The following KLF12 variants were observed in gnomAD, a reference collection of about 807,000 sequenced individuals.
The protein encoded by KLF12 is Krueppel-like factor 12.
Under a neutral mutation model 37.8 loss-of-function variants are expected in KLF12, and 9 were observed. The observed-to-expected ratio is 0.24, with a 90% CI of 0.14 to 0.42. The LOEUF (loss-of-function observed/expected upper bound fraction) is 0.42, where lower values mean the gene tolerates loss of function less well. Among genes scored for constraint, KLF12 ranks in the 10% least tolerant of loss-of-function variants. The pLI, the probability that KLF12 is intolerant of heterozygous loss-of-function variation, is 1.00. For synonymous variants in KLF12, 208 were observed against 202.1 expected (o/e 1.03, Z -0.25); for missense variants, 411 against 516.0 (o/e 0.80, Z 1.97).
intron 3 of KLF12, among the ~76,000 whole-genome samples, chr13:73,902,818 G>A (rs1309025853): frequency 2.0e-5 from 3 of 152,168 alleles, no homozygotes; most frequent in African/African-American, 4.8e-5. Context: ...TTAAAGTTCC[G>A]TGTTACTTTC....
chr13:73,733,135 A>C (rs1877195436), intron 6 of KLF12, among the ~76,000 whole-genome samples: 1 of 152,142 alleles, frequency 6.6e-6, no homozygotes, highest in Non-Finnish European at 1.5e-5. Context: ...TTTTATTTGT[A>C]ATTGTAATGA....
intron 5 of KLF12, among the ~76,000 whole-genome samples, chr13:73,780,426 C>T (rs763761548): frequency 6.6e-6 from 1 of 151,844 alleles, no homozygotes; most frequent in African/African-American, 2.4e-5. Flanking sequence ...TCTGTTATAT[C>T]ATTCTTATGC....
chr13:74,033,994 G>A (rs914702013), intron 1 of KLF12, among the ~76,000 whole-genome samples: 1 of 149,182 alleles, frequency 6.7e-6, no homozygotes, highest in Non-Finnish European at 1.5e-5. Flanking sequence ...ATATTTCTTG[G>A]ACTACCAGTG....
At chr13:74,253,804 C>A in the KLF12 span, among the ~76,000 whole-genome samples, 1 of 152,140 alleles carries the variant, frequency 6.6e-6, no homozygotes, top group East Asian at 1.9e-4. Flanking sequence ...GACACATTTG[C>A]AAAAGCCCAG....
At chr13:74,259,540 G>T in the KLF12 span, 1 of 152,136 alleles carries the variant, frequency 6.6e-6, no homozygotes, top group African/African-American at 2.4e-5. Context: ...AGAAAACATA[G>T]TTAATCCTTT....
At chr13:73,884,292 T>C (rs1261093270) in intron 3 of KLF12, among the ~76,000 whole-genome samples, 2 of 152,204 alleles carry the variant, frequency 1.3e-5, no homozygotes, top group Admixed American at 1.3e-4. Flanking sequence ...TGGATCTGAA[T>C]CTTATTCATC....
At chr13:73,759,760 G>T (rs528455923) in intron 6 of KLF12, among the ~76,000 whole-genome samples, 4 of 152,206 alleles carry the variant, frequency 2.6e-5, no homozygotes, top group African/African-American at 9.6e-5. Flanking sequence ...GTTGAACTGC[G>T]CTTGATGATG....
chr13:73,724,394 T>C (rs1263174712), intron 6 of KLF12, among the ~76,000 whole-genome samples: 1 of 152,154 alleles, frequency 6.6e-6, no homozygotes, highest in Non-Finnish European at 1.5e-5. Context: ...GATGTAGTAC[T>C]TAAGTTAACA....
chr13:73,749,288 G>C (rs945827816), intron 6 of KLF12, among the ~76,000 whole-genome samples: 2 of 152,168 alleles, frequency 1.3e-5, no homozygotes, highest in Non-Finnish European at 2.9e-5. Context: ...ATATGAAAAT[G>C]TCGTATGCAT....
chr13:73,920,466 T>A (rs1442660474), intron 3 of KLF12, among the ~76,000 whole-genome samples: 5 of 152,152 alleles, frequency 3.3e-5, no homozygotes, highest in Admixed American at 3.3e-4. Context: ...TTCTCCAAAA[T>A]TTAAAAACTA....
At chr13:73,843,499 G>C (rs529444727) in intron 4 of KLF12, among the ~76,000 whole-genome samples, 42 of 151,854 alleles carry the variant, frequency 2.8e-4, no homozygotes, top group Admixed American at 2.8e-3. Context: ...AGTAGAGATC[G>C]GGTTTCAAAA....
the KLF12 span, among the ~76,000 whole-genome samples, chr13:74,152,571 G>T: frequency 2.6e-5 from 4 of 152,126 alleles, no homozygotes; most frequent in African/African-American, 9.6e-5. Flanking sequence ...GCAACACAAG[G>T]TTTCTACATA....
intron 3 of KLF12, among the ~76,000 whole-genome samples, chr13:73,889,102 T>C (rs992364071): frequency 1.3e-5 from 2 of 152,160 alleles, no homozygotes; most frequent in Non-Finnish European, 2.9e-5. Flanking sequence ...TAATTTCTGG[T>C]AGAATCCACG....
intron 5 of KLF12, among the ~76,000 whole-genome samples, chr13:73,810,219 T>C (rs888946831): frequency 6.6e-6 from 1 of 151,878 alleles, no homozygotes; most frequent in Non-Finnish European, 1.5e-5. Context: ...CACTCCAGCA[T>C]GGGTGACAGA....
At chr13:74,170,318 A>G in the KLF12 span, among the ~76,000 whole-genome samples, 2 of 152,258 alleles carry the variant, frequency 1.3e-5, no homozygotes, top group African/African-American at 4.8e-5. Flanking sequence ...ACATATCACT[A>G]TTATTAGCTG....
intron 1 of KLF12, among the ~76,000 whole-genome samples, chr13:74,073,026 G>A (rs1215450488): frequency 6.6e-6 from 1 of 152,154 alleles, no homozygotes; most frequent in African/African-American, 2.4e-5. Context: ...TGTCTCATGA[G>A]ATTTAATGGT....
chr13:73,981,342 A>C (rs935479848), intron 2 of KLF12, among the ~76,000 whole-genome samples: 8 of 152,226 alleles, frequency 5.3e-5, no homozygotes, highest in Non-Finnish European at 1.5e-5. Context: ...GGTTTAAGAT[A>C]GCAAAAAGCT....
At chr13:73,981,157 GAAAC>G (rs760142834) in intron 2 of KLF12, among the ~76,000 whole-genome samples, 56 of 152,090 alleles carry the variant, frequency 3.7e-4, no homozygotes, top group Admixed American at 2.6e-3. Context: ...CCCTGTCTCA[GAAAC>G]AAACAAACAA....
chr13:73,713,093 G>GTATC lies in KLF12; in HGVS notation c.1027+2271_1027+2274dup, dbSNP rs371065685. On this transcript the variant is annotated intron_variant, in intron 7 of 7. Coordinates refer to ENST00000377669, the MANE Select transcript of KLF12 (RefSeq NM_007249.5). ...AAAAGACACAGTGATCAGTTGGAGT[G>GTATC]TATCTACAAAGACACGGCTGAGAAA... is the stretch of plus-strand genomic sequence containing the variant. 3.3e-3 allele frequency among the ~76,000 whole-genome samples: 507 copies of GTATC among 152,322 alleles called. 5 individuals carry two copies. The highest frequency in any genetic ancestry group is 0.012 in the African/African-American group (492 of 41,568).
Sources: gnomAD v4.1 joint callset for allele counts (sites outside exome capture counted in the v4.1 genomes callset) on GRCh38, gnomAD v4.1.1 for gene constraint, MANE v1.5 for transcripts, NCBI Gene and HGNC (gene_info 2026-07-23, HGNC 2026-07-21) for gene names.